The following CSF2 variants were observed in gnomAD, a reference collection of about 807,000 sequenced individuals.
CSF2 encodes colony stimulating factor 2, also known as granulocyte-macrophage colony-stimulating factor.
Under a neutral mutation model 13.5 loss-of-function variants are expected in CSF2, and 2 were observed. The observed-to-expected ratio is 0.15, with a 90% CI of 0.06 to 0.47. CSF2 has a LOEUF of 0.47. CSF2 is among the 20% of genes least tolerant of loss of function. The pLI, the probability that CSF2 is intolerant of heterozygous loss-of-function variation, is 0.97. For missense variants in CSF2, 141 were observed against 179.7 expected (o/e 0.78, Z 1.23); for synonymous variants, 66 against 69.2 (o/e 0.95, Z 0.23).
chr5:132,074,928 C>T lies in CSF2; in HGVS notation c.320C>T (p.Pro107Leu). Reference sequence around the variant, plus strand: ...AGCCACTACAAGCAGCACTGCCCTCCAACCCCGGTGAGTGCCTACGGCAGG... The same window carrying T: ...AGCCACTACAAGCAGCACTGCCCTCTAACCCCGGTGAGTGCCTACGGCAGG... ...MASHYKQHCP[P>L]TPETSCATQI... The change falls in exon 3 of 4, where the codon CCA becomes CTA. Residue 107 changes from proline (P) to leucine (L), a missense_variant. Transcript: ENST00000296871. 6.2e-7 allele frequency: 1 copy of T among 1,613,532 alleles called. No individual in the cohort carries two copies. Among genetic ancestry groups the T allele is most frequent in the Non-Finnish European group, 8.5e-7 (1 of 1,180,026 alleles).
intron 2 of CSF2, 101 bp from the exon 3 acceptor site, chr5:132,074,709 C>T (rs1169165814): frequency 8.2e-6 from 13 of 1,583,784 alleles, no homozygotes; most frequent in Non-Finnish European, 1.1e-5. Context: ...CCAAGCCCTA[C>T]TCCTGGGGGC....
chr5:132,075,915 C>A lies in CSF2; in HGVS notation c.*63C>A. The A allele has an allele frequency of 1.5e-6, 2 of 1,336,462 alleles. No individual in the cohort carries two copies. The highest frequency in any genetic ancestry group is 2.1e-6 in the Non-Finnish European group (2 of 939,812). 82.8% of individuals were successfully genotyped at this position (1,336,462 alleles called of 1,614,324 possible). A position where few individuals can be genotyped will look rare whatever the true frequency, so the allele number is the denominator to read the frequency against. On this transcript the variant is annotated 3_prime_UTR_variant, in exon 4 of 4. Transcript: ENST00000296871. ...TCTCTCATGAAACAAGAGCTAGAAA[C>A]TCAGGATGGTCATCTTGGAGGGACC...
chr5:132,075,897 T>A lies in CSF2; in HGVS notation c.*45T>A, dbSNP rs1756699179. On this transcript the variant is annotated 3_prime_UTR_variant, in exon 4 of 4. Coordinates refer to ENST00000296871, the MANE Select transcript of CSF2 (RefSeq NM_000758.4). The stretch of plus-strand genomic sequence containing the variant: ...GCCAAGCCGGGGAGCTGCTCTCTCA[T>A]GAAACAAGAGCTAGAAACTCAGGAT... The A allele has an allele frequency of 7.0e-7, 1 of 1,430,458 alleles. No individual in the cohort carries two copies. The highest frequency in any genetic ancestry group is 1.7e-5 in the Admixed American group (1 of 59,710). The allele number at this position is 1,430,458 out of a possible 1,614,324, so 88.6% of individuals were successfully genotyped here. A position where few individuals can be genotyped will look rare whatever the true frequency, so the allele number is the denominator to read the frequency against.
Position 132,073,850 on chromosome 5 carries a change from G to A in CSF2, c.27G>A (p.Leu9=), listed in dbSNP as rs1756665774. Reference sequence around the variant, plus strand: ...TGTGGCTGCAGAGCCTGCTGCTCTTGGGCACTGTGGCCTGCAGCATCTCTG... The same window carrying A: ...TGTGGCTGCAGAGCCTGCTGCTCTTAGGCACTGTGGCCTGCAGCATCTCTG... MWLQSLLL[L]GTVACSISAP... The change falls in exon 1 of 4, where the codon TTG becomes TTA. Residue 9 remains leucine, a synonymous_variant. Coordinates refer to ENST00000296871, the MANE Select transcript of CSF2 (RefSeq NM_000758.4). The A allele has an allele frequency of 6.2e-7, 1 of 1,612,616 alleles. No homozygotes were observed. Among genetic ancestry groups the A allele is most frequent in the Non-Finnish European group, 8.5e-7 (1 of 1,180,038 alleles).
rs1321966834 is a variant in CSF2 at position 132,073,908 on chromosome 5, C to A, written c.85C>A (p.Pro29Thr). The part of the protein sequence containing the change: ...PARSPSPSTQ[P>T]WEHVNAIQEA... ...CCGCTCGCCCAGCCCCAGCACGCAG[C>A]CCTGGGAGCATGTGAATGCCATCCA... Residue 29 changes from proline to threonine, a missense_variant, in exon 1 of 4, where the codon CCC (proline) becomes ACC (threonine). Transcript: ENST00000296871. 6.2e-7 allele frequency: 1 copy of A among 1,613,278 alleles called. No homozygotes were observed.
rs1756670633 is a variant in CSF2 at position 132,074,132 on chromosome 5, T to C, written c.201+10T>C. 6.2e-7 allele frequency: 1 copy of C among 1,613,816 alleles called. No individual in the cohort carries two copies. Among genetic ancestry groups the C allele is most frequent in the Non-Finnish European group, 8.5e-7 (1 of 1,180,024 alleles). On this transcript the variant is annotated intron_variant, in intron 2 of 3. Coordinates refer to ENST00000296871, the MANE Select transcript of CSF2 (RefSeq NM_000758.4). ...AATGTTTGACCTCCAGGTAAGATGCTTCTCTCTGACATAGCTTTCCAGAAG... is the reference window on the plus strand; with the variant it reads ...AATGTTTGACCTCCAGGTAAGATGCCTCTCTCTGACATAGCTTTCCAGAAG...
At chr5:132,074,687 C>G (rs935621850) in intron 2 of CSF2, 123 bp from the exon 3 acceptor site, 12 of 1,492,442 alleles carry the variant, frequency 8.0e-6, no homozygotes, top group African/African-American at 1.4e-5. Flanking sequence ...CTGGACCCAG[C>G]CTGTGCCCCT....
At chr5:132,074,665 C>G in intron 2 of CSF2, 145 bp from the exon 3 acceptor site, 1 of 1,330,566 alleles carries the variant, frequency 7.5e-7, no homozygotes, top group Non-Finnish European at 1.1e-6. Context: ...ATGGACAGGG[C>G]AGGGTCTATG....
intron 2 of CSF2, 147 bp downstream of exon 2, chr5:132,074,269 C>T: frequency 2.2e-6 from 2 of 913,372 alleles, no homozygotes; most frequent in South Asian, 1.4e-5. Context: ...ACTGGGTGCT[C>T]AAGAGGCTGC....
chr5:132,073,901 C>T lies in CSF2; in HGVS notation c.78C>T (p.Ser26=), dbSNP rs955875687. ...CACCCGCCCGCTCGCCCAGCCCCAG[C>T]ACGCAGCCCTGGGAGCATGTGAATG... is the stretch of plus-strand genomic sequence containing the variant. The part of the protein sequence containing the change: ...ISAPARSPSP[S]TQPWEHVNAI... Residue 26 remains serine, a synonymous_variant, in exon 1 of 4, where the codon AGC becomes AGT. Transcript: ENST00000296871. 1.9e-6 allele frequency: 3 copies of T among 1,613,252 alleles called. No individual in the cohort carries two copies. The highest frequency in any genetic ancestry group is 3.3e-4 in the Middle Eastern group (2 of 6,056).
chr5:132,076,076 A>T lies in CSF2; in HGVS notation c.*224A>T, dbSNP rs1756701551. 1.6e-5 allele frequency: 3 copies of T among 187,036 alleles called. No individual in the cohort carries two copies. The highest frequency in any genetic ancestry group is 2.1e-5 in the Non-Finnish European group (2 of 93,778). The allele number at this position is 187,036 out of a possible 1,614,324, so 11.6% of individuals were successfully genotyped here. A position where few individuals can be genotyped will look rare whatever the true frequency, so the allele number is the denominator to read the frequency against. On this transcript the variant is annotated 3_prime_UTR_variant, in exon 4 of 4. Coordinates refer to ENST00000296871, the MANE Select transcript of CSF2 (RefSeq NM_000758.4). The stretch of plus-strand genomic sequence containing the variant: ...GTAATATTTATATATTTATATTTTT[A>T]AAATATTTATTTATTTATTTATTTA...
Position 132,074,803 on chromosome 5 carries a change from T to C in CSF2, c.202-7T>C. 6.2e-7 allele frequency: 1 copy of C among 1,613,792 alleles called. No individual in the cohort carries two copies. The highest frequency in any genetic ancestry group is 8.5e-7 in the Non-Finnish European group (1 of 1,180,008). ...CACTGCTCACCGACGAACGACATTT[T>C]CCACAGGAGCCGACCTGCCTACAGA... On this transcript the variant is annotated splice_region_variant and splice_polypyrimidine_tract_variant and intron_variant, in intron 2 of 3. Coordinates refer to ENST00000296871, the MANE Select transcript of CSF2 (RefSeq NM_000758.4).
chr5:132,074,845 C>T lies in CSF2; in HGVS notation c.237C>T (p.Tyr79=), dbSNP rs1407502020. ...GCCTACAGACCCGCCTGGAGCTGTA[C>T]AAGCAGGGCCTGCGGGGCAGCCTCA... is the stretch of plus-strand genomic sequence containing the variant. ...PTCLQTRLEL[Y]KQGLRGSLTK... is the part of the protein sequence containing the mutation. The change falls in exon 3 of 4, where the codon TAC becomes TAT. Residue 79 remains tyrosine, a synonymous_variant. Transcript: ENST00000296871. 9 of 1,613,776 alleles carry T rather than the reference C, an allele frequency of 5.6e-6. No homozygotes were observed. Among genetic ancestry groups the T allele is most frequent in the Non-Finnish European group, 7.6e-6 (9 of 1,180,030 alleles).
intron 2 of CSF2, 23 bp from the exon 3 acceptor site, chr5:132,074,787 C>T (rs763224489): frequency 6.2e-6 from 10 of 1,613,700 alleles, no homozygotes; most frequent in Non-Finnish European, 8.5e-6. Flanking sequence ...CCACTGCTCA[C>T]CGACGAACGA....
intron 3 of CSF2, 113 bp downstream of exon 3, chr5:132,075,048 C>A: frequency 6.6e-7 from 1 of 1,506,040 alleles, no homozygotes; most frequent in Non-Finnish European, 9.2e-7. Context: ...GTTTCTGTGC[C>A]AACAGTTATG....
chr5:132,074,765 G>A (rs1756679561), intron 2 of CSF2, 45 bp from the exon 3 acceptor site: 2 of 1,613,722 alleles, frequency 1.2e-6, no homozygotes, highest in Non-Finnish European at 8.5e-7. Context: ...TTGTACCACT[G>A]TGGGCACTTG....
At chr5:132,074,053 G>A (rs368853369) in intron 1 of CSF2, 28 bp from the exon 2 acceptor site, 2 of 1,613,712 alleles carry the variant, frequency 1.2e-6, no homozygotes, top group Non-Finnish European at 1.7e-6. Context: ...CTGTCAGCTT[G>A]ATAACATGAC....
chr5:132,074,788 C>A, intron 2 of CSF2, 22 bp from the exon 3 acceptor site: 1 of 1,613,786 alleles, frequency 6.2e-7, no homozygotes, highest in Non-Finnish European at 8.5e-7. Context: ...CACTGCTCAC[C>A]GACGAACGAC....
At chr5:132,074,228 A>T in intron 2 of CSF2, 106 bp downstream of exon 2, 1 of 1,325,364 alleles carries the variant, frequency 7.5e-7, no homozygotes. Context: ...CTTTCTCTCC[A>T]GTCAGCTGGC....
Sources: gnomAD v4.1 joint callset for allele counts on GRCh38, gnomAD v4.1.1 for gene constraint, MANE v1.5 for transcripts, NCBI Gene and HGNC (gene_info 2026-07-23, HGNC 2026-07-21) for gene names.